Variants in FBXO36 observed in about 807,000 individuals in gnomAD.
The protein encoded by FBXO36 is F-box only protein 36.
FBXO36 carries 18 observed loss-of-function variants against 17.0 expected under a neutral mutation model. The ratio of observed to expected loss-of-function variants is 1.06; its 90% CI spans 0.73 to 1.57. FBXO36 has a LOEUF of 1.57. FBXO36 is among the 40% of genes most tolerant of loss of function. The pLI is 0.00. For synonymous variants in FBXO36, 83 were observed against 85.3 expected (o/e 0.97, Z 0.15); for missense variants, 229 against 221.9 (o/e 1.03, Z -0.20).
intron 1 of FBXO36, among the ~76,000 whole-genome samples, chr2:229,926,125 T>TA (rs34162848): frequency 0.086 from 8,843 of 103,368 alleles, 386 homozygotes; most frequent in East Asian, 0.12. Context: ...CCCCTTCTCT[T>TA]AAAAAAAAAA....
intron 2 of FBXO36, among the ~76,000 whole-genome samples, chr2:229,985,223 A>G (rs986532394): frequency 6.6e-6 from 1 of 152,218 alleles, no homozygotes; most frequent in South Asian, 2.1e-4. Context: ...GACTTCATTA[A>G]TATTTTGATG....
At chr2:229,925,336 C>G (rs540202793) in intron 1 of FBXO36, among the ~76,000 whole-genome samples, 27 of 152,250 alleles carry the variant, frequency 1.8e-4, no homozygotes, top group Middle Eastern at 3.4e-3. Flanking sequence ...AAAAAATATA[C>G]TTTTCAGTCA....
chr2:229,941,219 G>A (rs974025383), intron 1 of FBXO36, among the ~76,000 whole-genome samples: 2 of 152,118 alleles, frequency 1.3e-5, no homozygotes, highest in African/African-American at 4.8e-5. Flanking sequence ...ACTTTGGGAG[G>A]CCGAGGCAGG....
At chr2:229,975,527 G>T (rs920141876) in intron 1 of FBXO36, among the ~76,000 whole-genome samples, 3 of 149,618 alleles carry the variant, frequency 2.0e-5, no homozygotes, top group African/African-American at 7.4e-5. Flanking sequence ...GGAGTACAGT[G>T]GTGCGATCTC....
intron 1 of FBXO36, among the ~76,000 whole-genome samples, chr2:229,965,168 G>C (rs1235206000): frequency 3.4e-5 from 3 of 89,334 alleles, no homozygotes; most frequent in African/African-American, 1.2e-4. Context: ...TTTTTTTGTA[G>C]AGATGAGGGT....
At chr2:229,938,645 C>T (rs2076979567) in intron 1 of FBXO36, among the ~76,000 whole-genome samples, 1 of 149,828 alleles carries the variant, frequency 6.7e-6, no homozygotes, top group Admixed American at 6.7e-5. Context: ...CCATCATTCC[C>T]CACCATCATG....
At chr2:229,930,963 C>T (rs1371682271) in intron 1 of FBXO36, among the ~76,000 whole-genome samples, 2 of 152,142 alleles carry the variant, frequency 1.3e-5, no homozygotes, top group Admixed American at 6.5e-5. Flanking sequence ...TAATAAACTG[C>T]ATTATTCTTC....
intron 2 of FBXO36, 128 bp downstream of exon 2, chr2:229,976,477 T>A (rs2077209020): frequency 1.6e-6 from 1 of 638,960 alleles, no homozygotes; most frequent in Non-Finnish European, 2.7e-6. Flanking sequence ...ACATATACAA[T>A]GTTAGATTCT....
intron 1 of FBXO36, among the ~76,000 whole-genome samples, chr2:229,943,495 T>C (rs2077010779): frequency 1.3e-5 from 2 of 151,968 alleles, no homozygotes; most frequent in South Asian, 4.2e-4. Context: ...TAAATAAGGC[T>C]GTGCAAGGCC....
At chr2:229,938,767 T>C (rs1317585713) in intron 1 of FBXO36, among the ~76,000 whole-genome samples, 2 of 140,262 alleles carry the variant, frequency 1.4e-5, no homozygotes, top group African/African-American at 2.7e-5. Flanking sequence ...TTTTTTTTTT[T>C]TTTTCCCCCG....
Position 229,998,673 on chromosome 2 carries a change from C to T in FBXO36, c.378+1750C>T, listed in dbSNP as rs555686340. ...GAGTGTCATGGCATGCCCCTGTAGT[C>T]CCAGTTACTCTGGAGGCTGAATAGG... On this transcript the variant is annotated intron_variant, in intron 3 of 3. Transcript: ENST00000283946. Among the ~76,000 whole-genome samples the T allele has an allele frequency of 2.4e-3, 365 of 151,800 alleles. 3 individuals are homozygous for T. Among genetic ancestry groups the T allele is most frequent in the African/African-American group, 8.3e-3 (345 of 41,406 alleles).
chr2:229,954,233 G>GTTTTTTTTTTTTTTTTTTTTTTTT (rs1283205428), intron 1 of FBXO36, among the ~76,000 whole-genome samples: 2 of 33,122 alleles, frequency 6.0e-5, no homozygotes, highest in African/African-American at 7.5e-5. Flanking sequence ...AAACCCTTTG[G>GTTTTTTTTTTTTTTTTTTTTTTTT]ATTTTTTTTT....
intron 2 of FBXO36, among the ~76,000 whole-genome samples, chr2:229,993,205 T>A (rs1291589143): frequency 6.6e-6 from 1 of 152,188 alleles, no homozygotes; most frequent in Non-Finnish European, 1.5e-5. Context: ...GGGGAAAATT[T>A]GTATCTGTAA....
intron 2 of FBXO36, among the ~76,000 whole-genome samples, chr2:229,980,041 CG>C (rs1350267359): frequency 2.0e-5 from 3 of 151,926 alleles, no homozygotes; most frequent in Non-Finnish European, 4.4e-5. Flanking sequence ...AGTTAACATT[CG>C]TTTTTTTTGT....
At chr2:229,925,885 A>G (rs894830451) in intron 1 of FBXO36, among the ~76,000 whole-genome samples, 11 of 152,090 alleles carry the variant, frequency 7.2e-5, no homozygotes, top group African/African-American at 2.4e-4. Context: ...GTTTTATTCA[A>G]ATAAATAACT....
At chr2:230,008,335 A>C (rs2077397706) in intron 3 of FBXO36, among the ~76,000 whole-genome samples, 1 of 152,126 alleles carries the variant, frequency 6.6e-6, no homozygotes, top group South Asian at 2.1e-4. Flanking sequence ...CAATTTATGT[A>C]TGCAAAATTC....
rs1382900151 is a variant in FBXO36 at position 229,930,112 on chromosome 2, C to T, written c.96+7503C>T. On this transcript the variant is annotated intron_variant, in intron 1 of 3. Coordinates refer to ENST00000283946, the MANE Select transcript of FBXO36 (RefSeq NM_174899.5). ...CAGGTAATCCTAGCACGTTGGGAGACCTAGGCAGAAAGATCACTCGAGGCC... is the reference window on the plus strand; with the variant it reads ...CAGGTAATCCTAGCACGTTGGGAGATCTAGGCAGAAAGATCACTCGAGGCC... Among the ~76,000 whole-genome samples the T allele has an allele frequency of 3.9e-5, 6 of 152,014 alleles. No individual in the cohort carries two copies. In the East Asian group the frequency reaches 7.7e-4, roughly 20 times the overall value.
chr2:229,935,957 G>A (rs1439026891), intron 1 of FBXO36, among the ~76,000 whole-genome samples: 2 of 152,184 alleles, frequency 1.3e-5, no homozygotes, highest in African/African-American at 4.8e-5. Context: ...GGAGGCCAAG[G>A]CGGGTGGATT....
intron 1 of FBXO36, among the ~76,000 whole-genome samples, chr2:229,952,324 T>C (rs572707540): frequency 7.9e-4 from 120 of 152,302 alleles, no homozygotes; most frequent in Non-Finnish European, 7.4e-5. Flanking sequence ...TTAGGAGTTT[T>C]AAATTTCAAA....
Sources: allele counts gnomAD v4.1 joint callset (sites outside exome capture counted in the v4.1 genomes callset), GRCh38; gene constraint gnomAD v4.1.1; transcripts MANE v1.5; gene names NCBI Gene and HGNC (gene_info 2026-07-23, HGNC 2026-07-21).